USP7: variants seen among roughly 807,000 people sequenced by gnomAD.
USP7 encodes the protein ubiquitin specific peptidase 7, also known as ubiquitin C-terminal hydrolase 7.
A neutral mutation model predicts 162.9 loss-of-function variants in USP7; 9 were observed. The ratio of observed to expected loss-of-function variants is 0.06; its 90% CI spans 0.03 to 0.10. The LOEUF is 0.10. USP7 is among the 10% of genes least tolerant of loss of function. The pLI is 1.00. For missense variants in USP7, 715 were observed against 1,373.7 expected, an observed-to-expected ratio of 0.52 and a Z score of 7.58; for synonymous variants, 562 against 475.9, an observed-to-expected ratio of 1.18 and a Z score of -2.35.
At chr16:8,924,915 C>A (rs920966534) in intron 2 of USP7, among the ~76,000 whole-genome samples, 3 of 152,188 alleles carry the variant, frequency 2.0e-5, no homozygotes, top group African/African-American at 7.2e-5. Context: ...CTGAAAGAGG[C>A]GCATCTTGTC....
chr16:8,893,166 C>T lies in USP7; in HGVS notation c.*832G>A, dbSNP rs1051208644. ...TTTTACAAAGTCGACAGCTTACTAA[C>T]CACTAGTGAGCATGCCCTCTTGCTA... On this transcript the variant is annotated 3_prime_UTR_variant, in exon 31 of 31. Transcript: ENST00000344836. 2.0e-5 allele frequency: 3 copies of T among 152,096 alleles called. No individual in the cohort carries two copies. The highest frequency in any genetic ancestry group is 1.3e-4 in the Admixed American group (2 of 15,258). 9.4% of individuals were successfully genotyped at this position (152,096 alleles called of 1,614,324 possible). A position where few individuals can be genotyped will look rare whatever the true frequency, so the allele number is the denominator to read the frequency against.
In USP7 at chr16:8,895,707, C is replaced by T. The variant is rs2061670548; in HGVS notation, c.2854G>A (p.Val952Ile). ...TCTAATAGTTCATCTTCTTGATGAA[C>T]ACCAATGATTTTGTAGCTTACAATT... Reference protein sequence around the residue: ...LEIVSYKIIGVHQEDELLECL... With the variant: ...LEIVSYKIIGIHQEDELLECL... Residue 952 changes from valine to isoleucine, a missense_variant, in exon 27 of 31, where the codon GTT becomes ATT. Physicochemically the swap from Val to Ile is conservative, Grantham distance 29. Transcript: ENST00000344836. 3.1e-6 allele frequency: 5 copies of T among 1,612,478 alleles called. No homozygotes were observed. Among genetic ancestry groups the T allele is most frequent in the Non-Finnish European group, 4.2e-6 (5 of 1,179,694 alleles).
chr16:8,958,689 A>C (rs1310073550), intron 1 of USP7, among the ~76,000 whole-genome samples: 2 of 152,156 alleles, frequency 1.3e-5, no homozygotes, highest in Non-Finnish European at 2.9e-5. Flanking sequence ...CTAGTGTTCC[A>C]CTTCCCCACA....
intron 1 of USP7, among the ~76,000 whole-genome samples, chr16:8,940,780 T>C (rs1899005354): frequency 6.6e-6 from 1 of 152,064 alleles, no homozygotes; most frequent in South Asian, 2.1e-4. Context: ...TGGCTTCAGG[T>C]AGGGCCCTGG....
At chr16:8,959,796 G>C (rs898096074) in intron 1 of USP7, among the ~76,000 whole-genome samples, 1 of 152,122 alleles carries the variant, frequency 6.6e-6, no homozygotes, top group East Asian at 1.9e-4. Context: ...GCACAAGTTT[G>C]GAAGAAACCC....
At chr16:8,900,477 A>T (rs546922575) in intron 21 of USP7, 53 bp downstream of exon 21, 65 of 1,397,858 alleles carry the variant, frequency 4.6e-5, no homozygotes, top group East Asian at 4.1e-4. Context: ...TCTACAACTT[A>T]AAAAAATCCT....
chr16:8,894,127 A>C, intron 30 of USP7, 23 bp from the exon 31 acceptor site: 1 of 1,607,452 alleles, frequency 6.2e-7, no homozygotes, highest in Non-Finnish European at 8.5e-7. Context: ...AAGAAAAGCA[A>C]GTGAGGCCAC....
At chr16:8,948,480 T>G (rs150596869) in intron 1 of USP7, among the ~76,000 whole-genome samples, 1 of 152,218 alleles carries the variant, frequency 6.6e-6, no homozygotes, top group African/African-American at 2.4e-5. Flanking sequence ...CTGCCACACC[T>G]GGCCCCCAGT....
intron 2 of USP7, among the ~76,000 whole-genome samples, chr16:8,928,993 G>A (rs1305371629): frequency 1.3e-5 from 2 of 149,242 alleles, no homozygotes; most frequent in East Asian, 4.0e-4. Flanking sequence ...GTTGCCATGA[G>A]AAGCTAAGAA....
chr16:8,954,674 G>C (rs1268476684), intron 1 of USP7, among the ~76,000 whole-genome samples: 1 of 152,172 alleles, frequency 6.6e-6, no homozygotes, highest in Admixed American at 6.5e-5. Flanking sequence ...GGTTTGCGTA[G>C]TTTAATAACA....
intron 14 of USP7, among the ~76,000 whole-genome samples, chr16:8,904,928 C>T (rs1343563464): frequency 1.3e-5 from 2 of 152,058 alleles, no homozygotes; most frequent in South Asian, 2.1e-4. Context: ...GCCGAGATCG[C>T]GCCACTGCAC....
At chr16:8,927,991 G>A (rs779041197) in intron 2 of USP7, among the ~76,000 whole-genome samples, 1 of 152,190 alleles carries the variant, frequency 6.6e-6, no homozygotes, top group African/African-American at 2.4e-5. Flanking sequence ...CAAACAATTA[G>A]CCACACATGG....
intron 1 of USP7, chr16:8,936,573 C>T (rs551700295): frequency 1.3e-6 from 2 of 1,536,218 alleles, no homozygotes; most frequent in African/African-American, 1.4e-5. Context: ...AACCTGAAAA[C>T]CTGACTCACC....
In USP7 at chr16:8,963,363, G is replaced by A. The variant is rs1900101030; in HGVS notation, c.-78C>T. On this transcript the variant is annotated 5_prime_UTR_variant, in exon 1 of 31. Transcript: ENST00000344836. ...GGCGGGCGGGCGGCGGCGAGCCGGGGCGGCGGCGGCGGCGGCGGCGGCGGG... is the reference window on the plus strand; with the variant it reads ...GGCGGGCGGGCGGCGGCGAGCCGGGACGGCGGCGGCGGCGGCGGCGGCGGG... 1.3e-5 allele frequency: 3 copies of A among 236,370 alleles called. 1 individual carries two copies. Among genetic ancestry groups the A allele is most frequent in the South Asian group, 2.8e-4 (2 of 7,022 alleles). The allele number at this position is 236,370 out of a possible 1,614,324, so 14.6% of individuals were successfully genotyped here. A position where few individuals can be genotyped will look rare whatever the true frequency, so the allele number is the denominator to read the frequency against.
At chr16:8,927,342 TAAAG>T (rs1275141558) in intron 2 of USP7, among the ~76,000 whole-genome samples, 1 of 151,684 alleles carries the variant, frequency 6.6e-6, no homozygotes, top group Non-Finnish European at 1.5e-5. Flanking sequence ...GAAAGAAAGT[TAAAG>T]AAAAACAGAA....
At chr16:8,929,330 C>CAG in intron 2 of USP7, 1 of 373,654 alleles carries the variant, frequency 2.7e-6, no homozygotes, top group South Asian at 2.0e-5. Context: ...GCGCACTCCA[C>CAG]AGGTAACAAA....
intron 1 of USP7, among the ~76,000 whole-genome samples, chr16:8,950,040 C>A (rs920860661): frequency 6.6e-6 from 1 of 152,196 alleles, no homozygotes; most frequent in Non-Finnish European, 1.5e-5. Flanking sequence ...GGCAACTGAG[C>A]GCTTGAAACA....
intron 1 of USP7, among the ~76,000 whole-genome samples, chr16:8,932,140 A>G (rs186524557): frequency 2.5e-4 from 38 of 152,228 alleles, no homozygotes; most frequent in Admixed American, 2.2e-3. Context: ...ATAAAATGGT[A>G]CTCCCCACCA....
chr16:8,946,174 A>C (rs2141255460), intron 1 of USP7, among the ~76,000 whole-genome samples: 1 of 152,356 alleles, frequency 6.6e-6, no homozygotes, highest in Admixed American at 6.5e-5. Context: ...CTCACAATGA[A>C]ATGTAAAACC....
Sources: allele counts gnomAD v4.1 joint callset (sites outside exome capture counted in the v4.1 genomes callset), GRCh38; gene constraint gnomAD v4.1.1; transcripts MANE v1.5; gene names NCBI Gene and HGNC (gene_info 2026-07-23, HGNC 2026-07-21).